ZGRF1: variants seen among roughly 807,000 people sequenced by gnomAD.
ZGRF1 encodes zinc finger GRF-type containing 1, also known as 5'-3' DNA helicase ZGRF1.
In ZGRF1, 196 loss-of-function variants were observed where a neutral mutation model predicts 203.5. The ratio of observed to expected loss-of-function variants is 0.96; its 90% CI spans 0.86 to 1.08. The LOEUF (loss-of-function observed/expected upper bound fraction) is 1.08, where lower values mean the gene tolerates loss of function less well. ZGRF1 is among the 50% of genes least tolerant of loss of function. ZGRF1 has a pLI of 0.00. For missense variants in ZGRF1, 2,326 were observed against 2,416.3 expected, an observed-to-expected ratio of 0.96 and a Z score of 0.78; for synonymous variants, 809 against 841.3, an observed-to-expected ratio of 0.96 and a Z score of 0.66.
At chr4:112,570,875 C>T (rs1312057627) in intron 16 of ZGRF1, among the ~76,000 whole-genome samples, 6 of 152,000 alleles carry the variant, frequency 3.9e-5, no homozygotes, top group South Asian at 2.1e-4. Flanking sequence ...AGCCCAGGCA[C>T]GCAGATCACT....
In ZGRF1 at chr4:112,623,972, T is replaced by C. The variant is rs1159310781; in HGVS notation, c.103-96A>G. The C allele has an allele frequency of 9.0e-6, 6 of 665,750 alleles. No individual in the cohort carries two copies. The African/African-American group carries it at 1.1e-4, about 12-fold the overall frequency. The allele number at this position is 665,750 out of a possible 1,614,324, so 41.2% of individuals were successfully genotyped here. ...AAATAAGTAATTGTTATATAAGTAA[T>C]CATATAATGAAAGGATTACATTTGT... On this transcript the variant is annotated intron_variant, in intron 3 of 27. Coordinates refer to ENST00000505019, the MANE Select transcript of ZGRF1 (RefSeq NM_018392.5).
chr4:112,589,663 C>T, intron 11 of ZGRF1, 61 bp downstream of exon 11: 3 of 1,442,198 alleles, frequency 2.1e-6, no homozygotes, highest in Non-Finnish European at 2.9e-6. Flanking sequence ...AATAATCTCT[C>T]AAATAAAAAA....
At chr4:112,622,935 G>C (rs1423761577) in intron 4 of ZGRF1, among the ~76,000 whole-genome samples, 6 of 152,096 alleles carry the variant, frequency 3.9e-5, no homozygotes, top group Non-Finnish European at 8.8e-5. Context: ...ATTAAGTCTA[G>C]TACCCATTAT....
chr4:112,609,501 C>A (rs1751266562), intron 7 of ZGRF1, 72 bp from the exon 8 acceptor site: 2 of 719,468 alleles, frequency 2.8e-6, no homozygotes, highest in Non-Finnish European at 4.5e-6. Context: ...ATATAAATTT[C>A]TATTAGACTT....
chr4:112,617,532 G>T lies in ZGRF1; in HGVS notation c.2510C>A (p.Thr837Asn). Residue 837 changes from threonine to asparagine, a missense_variant, in exon 6 of 28, where the codon ACT (threonine) becomes AAT (asparagine). By Grantham distance (65) the Thr-to-Asn change is moderately conservative. Coordinates refer to ENST00000505019, the MANE Select transcript of ZGRF1 (RefSeq NM_018392.5). Reference protein sequence around the residue: ...SILKSLCEHSTALDSLEILKK... With the variant: ...SILKSLCEHSNALDSLEILKK... ...CAATATTTCCAAGCTGTCTAAAGCA[G>T]TACTGTGTTCACATAGCGACTTTAA... The T allele has an allele frequency of 6.2e-7, 1 of 1,613,146 alleles. No individual in the cohort carries two copies. Among genetic ancestry groups the T allele is most frequent in the Non-Finnish European group, 8.5e-7 (1 of 1,179,736 alleles).
chr4:112,600,544 T>C (rs1231365411), intron 10 of ZGRF1, among the ~76,000 whole-genome samples: 1 of 151,890 alleles, frequency 6.6e-6, no homozygotes, highest in Non-Finnish European at 1.5e-5. Flanking sequence ...ATACAAAAAT[T>C]AGCTGGCGTG....
Position 112,617,683 on chromosome 4 carries a change from C to G in ZGRF1, c.2359G>C (p.Asp787His). 6.2e-7 allele frequency: 1 copy of G among 1,614,034 alleles called. No homozygotes were observed. The highest frequency in any genetic ancestry group is 8.5e-7 in the Non-Finnish European group (1 of 1,179,966). The part of the protein sequence containing the change: ...DTEAHISEPE[D>H]LGKIRSPPPD... Reference sequence around the variant, plus strand: ...GGTGGACTTCTAATCTTTCCCAAATCTTCAGGTTCAGATATATGTGCTTCT... The same window carrying G: ...GGTGGACTTCTAATCTTTCCCAAATGTTCAGGTTCAGATATATGTGCTTCT... The change falls in exon 6 of 28, where the codon GAT becomes CAT. Residue 787 changes from aspartate to histidine, a missense_variant. By Grantham distance (81) the Asp-to-His change is moderately conservative. Transcript: ENST00000505019.
chr4:112,616,130 T>C (rs1016937994), intron 6 of ZGRF1, among the ~76,000 whole-genome samples: 1 of 152,174 alleles, frequency 6.6e-6, no homozygotes, highest in African/African-American at 2.4e-5. Flanking sequence ...AGCAGTAATA[T>C]TGATATAACA....
intron 10 of ZGRF1, among the ~76,000 whole-genome samples, chr4:112,595,298 C>T (rs967993829): frequency 2.0e-5 from 3 of 152,282 alleles, no homozygotes; most frequent in African/African-American, 7.2e-5. Context: ...TTGCTAATAT[C>T]AAACACGTTC....
chr4:112,549,939 T>A (rs1469842076), intron 22 of ZGRF1, among the ~76,000 whole-genome samples: 1 of 152,126 alleles, frequency 6.6e-6, no homozygotes, highest in African/African-American at 2.4e-5. Flanking sequence ...AAGCCTGTAA[T>A]CCCAGCACTT....
intron 9 of ZGRF1, among the ~76,000 whole-genome samples, chr4:112,604,247 A>G (rs976240733): frequency 6.6e-6 from 1 of 151,962 alleles, no homozygotes; most frequent in African/African-American, 2.4e-5. Context: ...TATGATTTAT[A>G]GCCAATGAGG....
At chr4:112,583,498 G>A (rs566621779) in intron 15 of ZGRF1, among the ~76,000 whole-genome samples, 72 of 152,286 alleles carry the variant, frequency 4.7e-4, no homozygotes, top group Non-Finnish European at 8.2e-4. Context: ...AGAGGGAGCC[G>A]AAATAACTTT....
At chr4:112,576,047 A>C (rs1397872977) in intron 16 of ZGRF1, among the ~76,000 whole-genome samples, 1 of 152,150 alleles carries the variant, frequency 6.6e-6, no homozygotes, top group African/African-American at 2.4e-5. Flanking sequence ...CAGACTGACA[A>C]CTCACACGGC....
At chr4:112,621,696 A>T (rs1046733501) in intron 4 of ZGRF1, among the ~76,000 whole-genome samples, 3 of 150,074 alleles carry the variant, frequency 2.0e-5, no homozygotes, top group African/African-American at 7.4e-5. Flanking sequence ...AAATATACAA[A>T]CTCTATATCA....
rs976234016 is a variant in ZGRF1, at chr4:112,617,572, T to C, written c.2470A>G (p.Asn824Asp). 2.0e-5 allele frequency: 32 copies of C among 1,613,756 alleles called. No homozygotes were observed. Among genetic ancestry groups the C allele is most frequent in the Non-Finnish European group, 2.2e-5 (26 of 1,179,934 alleles). The change falls in exon 6 of 28, where the codon AAT (asparagine) becomes GAT (aspartate). Residue 824 changes from asparagine (N) to aspartate (D), a missense_variant. Coordinates refer to ENST00000505019, the MANE Select transcript of ZGRF1 (RefSeq NM_018392.5). ...RNSSELSGLVNTISILKSLCE... is the reference protein window; with the variant it reads ...RNSSELSGLVDTISILKSLCE... The stretch of plus-strand genomic sequence containing the variant: ...AGCGACTTTAAAATAGAAATGGTAT[T>C]TACTAATCCAGAAAGTTCTGAAGAA...
intron 16 of ZGRF1, among the ~76,000 whole-genome samples, chr4:112,569,108 A>C (rs954170944): frequency 8.5e-5 from 13 of 152,240 alleles, no homozygotes; most frequent in Admixed American, 7.2e-4. Context: ...AAAATATTTG[A>C]AAGTGCTGTT....
chr4:112,587,367 C>G lies in ZGRF1; in HGVS notation c.3690G>C (p.Leu1230=), dbSNP rs1458776485. The change falls in exon 12 of 28, where the codon CTG becomes CTC. Residue 1230 remains leucine (L), a synonymous_variant. Coordinates refer to ENST00000505019, the MANE Select transcript of ZGRF1 (RefSeq NM_018392.5). ...CTGTCTTAGAAGTCTGCTTTAAATT[C>G]AGAGAAAGTACTTTCTTTCTGGAAA... ...DSVSRKKVLS[L]NLKQTSKTEE... is the part of the protein sequence containing the mutation. 1 of 1,613,668 alleles carries G rather than the reference C, an allele frequency of 6.2e-7. No individual in the cohort carries two copies. The highest frequency in any genetic ancestry group is 8.5e-7 in the Non-Finnish European group (1 of 1,179,786).
At chr4:112,624,461 A>C (rs2047164077) in intron 3 of ZGRF1, among the ~76,000 whole-genome samples, 2 of 145,406 alleles carry the variant, frequency 1.4e-5, no homozygotes, top group Admixed American at 6.9e-5. Flanking sequence ...CATCTCAATT[A>C]AAAAAAAAAA....
At chr4:112,601,436 T>C (rs1749955977) in intron 10 of ZGRF1, among the ~76,000 whole-genome samples, 1 of 151,948 alleles carries the variant, frequency 6.6e-6, no homozygotes, top group Admixed American at 6.6e-5. Context: ...TAGCCAGGCA[T>C]GGTGGCGCAT....
Sources: allele counts gnomAD v4.1 joint callset (sites outside exome capture counted in the v4.1 genomes callset), GRCh38; gene constraint gnomAD v4.1.1; transcripts MANE v1.5; gene names NCBI Gene and HGNC (gene_info 2026-07-23, HGNC 2026-07-21).